SYT1: variants seen among roughly 807,000 people sequenced by gnomAD.
The protein encoded by SYT1 is synaptotagmin 1.
SYT1 carries 8 observed loss-of-function variants against 44.8 expected under a neutral mutation model. The ratio of observed to expected loss-of-function variants is 0.18; its 90% CI spans 0.10 to 0.32. The LOEUF is 0.32. SYT1 is among the 10% of genes least tolerant of loss of function. SYT1 has a pLI of 1.00. For synonymous variants in SYT1, 154 were observed against 188.8 expected (o/e 0.82, Z 1.51); for missense variants, 286 against 509.3 (o/e 0.56, Z 4.22).
At chr12:79,226,812 C>T (rs1207406490) in intron 4 of SYT1, among the ~76,000 whole-genome samples, 1 of 152,098 alleles carries the variant, frequency 6.6e-6, no homozygotes, top group African/African-American at 2.4e-5. Flanking sequence ...CATAATTTTT[C>T]CTGCCTATAT....
intron 3 of SYT1, among the ~76,000 whole-genome samples, chr12:79,112,068 A>G (rs574012166): frequency 6.6e-6 from 1 of 152,076 alleles, no homozygotes. Context: ...AAAGCAAGAA[A>G]GACATGGTAT....
At chr12:79,012,033 G>A (rs1391693705) in intron 2 of SYT1, among the ~76,000 whole-genome samples, 1 of 151,588 alleles carries the variant, frequency 6.6e-6, no homozygotes, top group Non-Finnish European at 1.5e-5. Flanking sequence ...TCGGGAGGCT[G>A]AGGCAGGAGA....
At chr12:79,322,219 T>G (rs1387492443) in intron 8 of SYT1, among the ~76,000 whole-genome samples, 1 of 152,218 alleles carries the variant, frequency 6.6e-6, no homozygotes, top group African/African-American at 2.4e-5. Context: ...ATTTCATATA[T>G]AGTAAGCTAA....
chr12:79,026,667 T>TTTTTATATATATA (rs1298013189), intron 2 of SYT1, among the ~76,000 whole-genome samples: 2 of 102,280 alleles, frequency 2.0e-5, no homozygotes, highest in Non-Finnish European at 2.0e-5. Context: ...CATATATATT[T>TTTTTATATATATA]TATATATATA....
chr12:79,212,210 A>G (rs936088250), intron 3 of SYT1, among the ~76,000 whole-genome samples: 3 of 152,212 alleles, frequency 2.0e-5, no homozygotes, highest in Non-Finnish European at 4.4e-5. Flanking sequence ...TGTCCTTTGC[A>G]GGGACATGGA....
chr12:79,421,740 G>T, intron 9 of SYT1, among the ~76,000 whole-genome samples: 1 of 150,852 alleles, frequency 6.6e-6, no homozygotes, highest in East Asian at 1.9e-4. Flanking sequence ...GGTGGTGGTG[G>T]GTGTTTTTGT....
chr12:79,108,940 C>A (rs995701806), intron 3 of SYT1, among the ~76,000 whole-genome samples: 1 of 152,074 alleles, frequency 6.6e-6, no homozygotes, highest in East Asian at 1.9e-4. Flanking sequence ...ACATTAGTAA[C>A]GTTGCGGGAA....
chr12:79,145,752 TG>T lies in SYT1; in HGVS notation c.-17-71750del, dbSNP rs1239507377. 7.2e-3 allele frequency among the ~76,000 whole-genome samples: 1,072 copies of T among 148,398 alleles called. 30 individuals are homozygous for T. Among genetic ancestry groups the T allele is most frequent in the African/African-American group, 0.026 (1,022 of 39,342 alleles). On this transcript the variant is annotated intron_variant, in intron 3 of 10. Transcript: ENST00000261205. ...AAACATAGTGGTTTTTTTTTTTTTTTGTTTGTTTGTTTGTTTGTTTTTTGAG... is the reference window on the plus strand; with the variant it reads ...AAACATAGTGGTTTTTTTTTTTTTTTTTTGTTTGTTTGTTTGTTTTTTGAG...
chr12:79,205,368 A>G (rs1293231719), intron 3 of SYT1, among the ~76,000 whole-genome samples: 1 of 152,158 alleles, frequency 6.6e-6, no homozygotes, highest in East Asian at 1.9e-4. Flanking sequence ...CATTCCTACT[A>G]AAATCTTGGG....
At chr12:79,102,623 A>G (rs576765456) in intron 3 of SYT1, among the ~76,000 whole-genome samples, 20 of 152,214 alleles carry the variant, frequency 1.3e-4, no homozygotes, top group Non-Finnish European at 2.5e-4. Context: ...TTACCACTGT[A>G]TCTCCAGTGT....
intron 3 of SYT1, among the ~76,000 whole-genome samples, chr12:79,147,438 T>G (rs1592791646): frequency 1.3e-5 from 2 of 152,176 alleles, no homozygotes; most frequent in African/African-American, 4.8e-5. Flanking sequence ...TACAGCCTAT[T>G]TTTTTTCTAG....
chr12:79,322,080 T>C (rs1407919751), intron 8 of SYT1, among the ~76,000 whole-genome samples: 1 of 152,140 alleles, frequency 6.6e-6, no homozygotes, highest in Non-Finnish European at 1.5e-5. Context: ...TACAGTCTGG[T>C]CAATGTTCCC....
intron 1 of SYT1, among the ~76,000 whole-genome samples, chr12:78,934,547 C>T (rs999856431): frequency 6.6e-6 from 1 of 151,840 alleles, no homozygotes; most frequent in African/African-American, 2.4e-5. Context: ...AAAAAACAAA[C>T]AAATAAAACG....
chr12:78,969,679 G>A (rs1868331179), intron 1 of SYT1, among the ~76,000 whole-genome samples: 1 of 152,162 alleles, frequency 6.6e-6, no homozygotes, highest in Admixed American at 6.5e-5. Flanking sequence ...GGAGTGTGGT[G>A]AGATGAAGTA....
At chr12:78,942,093 C>T (rs1215736302) in intron 1 of SYT1, among the ~76,000 whole-genome samples, 1 of 152,204 alleles carries the variant, frequency 6.6e-6, no homozygotes, top group Non-Finnish European at 1.5e-5. Flanking sequence ...ACTGACATTC[C>T]ATTCAGCAAA....
At chr12:79,372,534 C>T (rs1251161614) in intron 9 of SYT1, among the ~76,000 whole-genome samples, 7 of 152,158 alleles carry the variant, frequency 4.6e-5, no homozygotes, top group African/African-American at 1.2e-4. Flanking sequence ...CCCAATATTA[C>T]AGCTAGTTCT....
chr12:79,015,144 T>G (rs1044545973), intron 2 of SYT1, among the ~76,000 whole-genome samples: 3 of 151,954 alleles, frequency 2.0e-5, no homozygotes, highest in Admixed American at 2.0e-4. Context: ...CACACCAGCA[T>G]GGCACATGTA....
intron 1 of SYT1, among the ~76,000 whole-genome samples, chr12:78,883,909 A>G (rs1320746497): frequency 2.0e-5 from 3 of 151,728 alleles, no homozygotes; most frequent in Non-Finnish European, 4.4e-5. Flanking sequence ...GATATTTTTA[A>G]GAAAATTATG....
At chr12:78,988,038 A>G (rs991455963) in intron 2 of SYT1, among the ~76,000 whole-genome samples, 2 of 151,980 alleles carry the variant, frequency 1.3e-5, no homozygotes, top group African/African-American at 4.8e-5. Context: ...ACCAATATTT[A>G]CTTCTGTGAG....
Sources: allele counts gnomAD v4.1 joint callset (sites outside exome capture counted in the v4.1 genomes callset), GRCh38; gene constraint gnomAD v4.1.1; transcripts MANE v1.5; gene names NCBI Gene and HGNC (gene_info 2026-07-23, HGNC 2026-07-21).